The following VTI1A variants were observed in gnomAD, a reference collection of about 807,000 sequenced individuals.
VTI1A encodes vesicle transport through interaction with t-SNAREs 1A.
In VTI1A, 22 loss-of-function variants were observed where a neutral mutation model predicts 34.9. The ratio of observed to expected loss-of-function variants is 0.63; its 90% CI spans 0.45 to 0.90. The LOEUF (loss-of-function observed/expected upper bound fraction) is 0.90. VTI1A is among the 40% of genes least tolerant of loss of function. VTI1A has a pLI of 0.00. For synonymous variants in VTI1A, 87 were observed against 97.3 expected, an observed-to-expected ratio of 0.89 and a Z score of 0.62; for missense variants, 268 against 275.6, an observed-to-expected ratio of 0.97 and a Z score of 0.20.
intron 3 of VTI1A, among the ~76,000 whole-genome samples, chr10:112,516,281 C>T (rs948409873): frequency 6.6e-6 from 1 of 151,998 alleles, no homozygotes; most frequent in Non-Finnish European, 1.5e-5. Context: ...ATATCTAACT[C>T]ATGAGAACAA....
intron 5 of VTI1A, among the ~76,000 whole-genome samples, chr10:112,568,379 C>T (rs768387789): frequency 2.6e-5 from 4 of 152,116 alleles, no homozygotes; most frequent in Middle Eastern, 3.4e-3. Flanking sequence ...TGATGGTAGA[C>T]GCCTGTAATC....
intron 3 of VTI1A, among the ~76,000 whole-genome samples, chr10:112,500,738 GA>G (rs1426986332): frequency 6.6e-6 from 1 of 152,038 alleles, no homozygotes; most frequent in African/African-American, 2.4e-5. Context: ...TCCTATGATG[GA>G]CCTTTCCTTT....
rs143633039 is a variant in VTI1A at position 112,720,701 on chromosome 10, G to A, written c.560+51703G>A. ...GCGATAACTGAATTGTTCTCAGGAAGCAATTTGCTTCTAAAACTTTGTTTT... is the reference window on the plus strand; with the variant it reads ...GCGATAACTGAATTGTTCTCAGGAAACAATTTGCTTCTAAAACTTTGTTTT... On this transcript the variant is annotated intron_variant, in intron 7 of 7. Transcript: ENST00000393077. Among the ~76,000 whole-genome samples the A allele has an allele frequency of 5.2e-3, 798 of 152,292 alleles. 6 individuals carry two copies. The highest frequency in any genetic ancestry group is 8.6e-3 in the Non-Finnish European group (582 of 68,020).
rs571567853 is a variant in VTI1A, at chr10:112,815,838, C to T, written c.*455C>T. The T allele has an allele frequency of 4.0e-6, 1 of 250,392 alleles. No homozygotes were observed. Among genetic ancestry groups the T allele is most frequent in the East Asian group, 5.8e-5 (1 of 17,330 alleles). The allele number at this position is 250,392 out of a possible 1,614,324, so 15.5% of individuals were successfully genotyped here. The stretch of plus-strand genomic sequence containing the variant: ...AAAAAGCAGGGGATGGAGTCAGTGA[C>T]CCCGTCCAGCAAGCCAGCCCTGTTC... On this transcript the variant is annotated 3_prime_UTR_variant, in exon 8 of 8. Transcript: ENST00000393077.
intron 7 of VTI1A, among the ~76,000 whole-genome samples, chr10:112,719,671 C>T (rs540463400): frequency 8.5e-5 from 13 of 152,180 alleles, no homozygotes; most frequent in South Asian, 2.1e-4. Flanking sequence ...CTCAGCTTTC[C>T]GAGTAGTTGG....
intron 7 of VTI1A, among the ~76,000 whole-genome samples, chr10:112,734,654 CT>C (rs34618895): frequency 0.31 from 43,590 of 138,408 alleles, 7,852 homozygotes; most frequent in African/African-American, 0.57. Flanking sequence ...CAATAAATTT[CT>C]TTTTTTTTTT....
intron 7 of VTI1A, among the ~76,000 whole-genome samples, chr10:112,725,851 C>A (rs1353593711): frequency 1.3e-5 from 2 of 152,124 alleles, no homozygotes; most frequent in African/African-American, 4.8e-5. Context: ...TTATAGGTGT[C>A]CATCCATTAC....
intron 4 of VTI1A, 98 bp from the exon 5 acceptor site, chr10:112,538,148 C>A: frequency 1.0e-6 from 1 of 991,490 alleles, no homozygotes; most frequent in Non-Finnish European, 1.5e-6. Context: ...ACCCCCCCAC[C>A]CCATGTTAGG....
intron 5 of VTI1A, among the ~76,000 whole-genome samples, chr10:112,657,567 C>G (rs1312263677): frequency 1.3e-5 from 2 of 151,940 alleles, no homozygotes; most frequent in Non-Finnish European, 2.9e-5. Flanking sequence ...TTACTCCTTG[C>G]CATCCCCTAC....
chr10:112,653,203 T>C (rs1232855732), intron 5 of VTI1A, among the ~76,000 whole-genome samples: 1 of 152,168 alleles, frequency 6.6e-6, no homozygotes, highest in Non-Finnish European at 1.5e-5. Flanking sequence ...CTAGCTGAAG[T>C]GTTTCCATTT....
At chr10:112,494,556 T>C (rs1287853898) in intron 3 of VTI1A, among the ~76,000 whole-genome samples, 1 of 152,128 alleles carries the variant, frequency 6.6e-6, no homozygotes. Flanking sequence ...TTGCCAAGGC[T>C]GGAATGCAGT....
rs117920238 is a variant in VTI1A at position 112,484,788 on chromosome 10, A to C, written c.264+20131A>C. On this transcript the variant is annotated intron_variant, in intron 3 of 7. Transcript: ENST00000393077. Reference sequence around the variant, plus strand: ...GATTTTAAAGCAAACTTTTTAGGAGAAACATCTATAATAAATGATAGGCAC... The same window carrying C: ...GATTTTAAAGCAAACTTTTTAGGAGCAACATCTATAATAAATGATAGGCAC... Among the ~76,000 whole-genome samples, 332 of 151,734 alleles carry C rather than the reference A, an allele frequency of 2.2e-3. 5 individuals are homozygous for C. Among genetic ancestry groups the C allele is most frequent in the Non-Finnish European group, 3.9e-3 (267 of 67,940 alleles).
chr10:112,788,080 A>G (rs1171413693), intron 7 of VTI1A, among the ~76,000 whole-genome samples: 2 of 151,566 alleles, frequency 1.3e-5, no homozygotes, highest in Non-Finnish European at 2.9e-5. Context: ...AATATTTTTA[A>G]TAATAAATTA....
chr10:112,583,508 G>A (rs183311042), intron 5 of VTI1A, among the ~76,000 whole-genome samples: 11 of 152,250 alleles, frequency 7.2e-5, no homozygotes, highest in Admixed American at 2.6e-4. Context: ...AATGCCTTGT[G>A]GTATTCACAC....
chr10:112,686,089 A>G (rs1449132387), intron 7 of VTI1A, among the ~76,000 whole-genome samples: 1 of 152,224 alleles, frequency 6.6e-6, no homozygotes, highest in Non-Finnish European at 1.5e-5. Flanking sequence ...AAGATGGGGA[A>G]TGTGGAGAAA....
intron 7 of VTI1A, among the ~76,000 whole-genome samples, chr10:112,690,871 T>C (rs1239155017): frequency 2.0e-5 from 3 of 152,082 alleles, no homozygotes; most frequent in Non-Finnish European, 4.4e-5. Context: ...CCTGCACAGA[T>C]TCTTTTTAAA....
intron 5 of VTI1A, among the ~76,000 whole-genome samples, chr10:112,638,661 A>T (rs1018917432): frequency 1.3e-5 from 2 of 151,966 alleles, no homozygotes; most frequent in Non-Finnish European, 2.9e-5. Context: ...TGTCAAATAG[A>T]TTCAGCTCTC....
In VTI1A at chr10:112,460,625, G is replaced by A. The variant is rs199878363; in HGVS notation, c.153+43G>A. On this transcript the variant is annotated intron_variant, in intron 2 of 7. Coordinates refer to ENST00000393077, the MANE Select transcript of VTI1A (RefSeq NM_145206.4). Reference sequence around the variant, plus strand: ...TGTATTTTAACACACAGCCAGAGCCGTTTAAGCTAATGTCTTCCTCTAGCC... The same window carrying A: ...TGTATTTTAACACACAGCCAGAGCCATTTAAGCTAATGTCTTCCTCTAGCC... 151 of 1,497,494 alleles carry A rather than the reference G, an allele frequency of 1.0e-4. 1 individual carries two copies. The highest frequency in any genetic ancestry group is 1.0e-3 in the African/African-American group (71 of 70,590). The allele number at this position is 1,497,494 out of a possible 1,614,324, so 92.8% of individuals were successfully genotyped here.
the VTI1A span, among the ~76,000 whole-genome samples, chr10:112,840,343 C>A: frequency 6.6e-6 from 1 of 152,134 alleles, no homozygotes; most frequent in Non-Finnish European, 1.5e-5. Flanking sequence ...TTCTAGTTAT[C>A]CCACCCACGA....
Sources: gnomAD v4.1 joint callset for allele counts (sites outside exome capture counted in the v4.1 genomes callset) on GRCh38, gnomAD v4.1.1 for gene constraint, MANE v1.5 for transcripts, NCBI Gene and HGNC (gene_info 2026-07-23, HGNC 2026-07-21) for gene names.